RAPGEF2: variants seen among roughly 807,000 people sequenced by gnomAD.
The protein encoded by RAPGEF2 is PDZ domain containing guanine nucleotide exchange factor (GEF) 1.
Under a neutral mutation model 186.7 loss-of-function variants are expected in RAPGEF2, and 54 were observed. That is an observed-to-expected ratio of 0.29 (90% CI 0.23 to 0.36). The LOEUF (loss-of-function observed/expected upper bound fraction) is 0.36, where lower values mean the gene tolerates loss of function less well. Among genes scored for constraint, RAPGEF2 ranks in the 10% least tolerant of loss-of-function variants. RAPGEF2 has a pLI of 1.00. For missense variants in RAPGEF2, 1,532 were observed against 2,045.0 expected, an observed-to-expected ratio of 0.75 and a Z score of 4.84; for synonymous variants, 712 against 705.9, an observed-to-expected ratio of 1.01 and a Z score of -0.14.
At chr4:159,188,879 C>G (rs1418836902) in intron 2 of RAPGEF2, among the ~76,000 whole-genome samples, 1 of 152,152 alleles carries the variant, frequency 6.6e-6, no homozygotes, top group Non-Finnish European at 1.5e-5. Context: ...CATGAACCTA[C>G]AGGGCGGAGC....
intron 7 of RAPGEF2, among the ~76,000 whole-genome samples, chr4:159,281,681 A>G (rs1289461634): frequency 2.1e-5 from 3 of 142,068 alleles, no homozygotes; most frequent in African/African-American, 5.7e-5. Flanking sequence ...CAAAAAAAAA[A>G]AAAAAAAAAG....
intron 28 of RAPGEF2, 23 bp downstream of exon 28, chr4:159,354,069 T>G: frequency 6.5e-7 from 1 of 1,532,262 alleles, no homozygotes; most frequent in Non-Finnish European, 8.8e-7. Flanking sequence ...ATTGGGGGAC[T>G]TTGTCATGTC....
At chr4:159,346,094 C>T (rs1345713454) in intron 24 of RAPGEF2, among the ~76,000 whole-genome samples, 1 of 152,188 alleles carries the variant, frequency 6.6e-6, no homozygotes, top group Non-Finnish European at 1.5e-5. Context: ...TTTGTCTCCT[C>T]TTACTAGCTG....
At chr4:159,114,594 G>A (rs1283507184) in intron 1 of RAPGEF2, among the ~76,000 whole-genome samples, 1 of 152,156 alleles carries the variant, frequency 6.6e-6, no homozygotes, top group Non-Finnish European at 1.5e-5. Flanking sequence ...ATATTCCCAA[G>A]ATGGAGTGTA....
intron 7 of RAPGEF2, among the ~76,000 whole-genome samples, chr4:159,254,037 A>G (rs574288470): frequency 3.3e-5 from 5 of 152,240 alleles, no homozygotes; most frequent in Admixed American, 6.5e-5. Flanking sequence ...ACCATTGTAC[A>G]TTGTAACAAA....
chr4:159,161,779 T>C (rs989141805), intron 1 of RAPGEF2, among the ~76,000 whole-genome samples: 23 of 152,216 alleles, frequency 1.5e-4, no homozygotes, highest in African/African-American at 5.1e-4. Flanking sequence ...CCAAACATAA[T>C]TGCTTATCTT....
intron 1 of RAPGEF2, among the ~76,000 whole-genome samples, chr4:159,178,551 CTTTTTTTTTTT>C (rs71589215): frequency 1.2e-4 from 9 of 75,488 alleles, no homozygotes; most frequent in South Asian, 5.1e-4. Context: ...ATGTATTATG[CTTTTTTTTTTT>C]TTTTTTTTTT....
In RAPGEF2 at chr4:159,254,774, A is replaced by T. The variant is rs367546198; in HGVS notation, c.543+10983A>T. Among the ~76,000 whole-genome samples, 10 of 152,060 alleles carry T rather than the reference A, an allele frequency of 6.6e-5. No individual in the cohort carries two copies. In the East Asian group the frequency reaches 1.9e-3, roughly 29 times the overall value. Reference sequence around the variant, plus strand: ...CAGGCGTGTGCCACCACGCCTGGCTAATTTTTAGTAGAAACAGGGTTTGAC... The same window carrying T: ...CAGGCGTGTGCCACCACGCCTGGCTTATTTTTAGTAGAAACAGGGTTTGAC... On this transcript the variant is annotated intron_variant, in intron 7 of 29. Coordinates refer to ENST00000691494, the MANE Select transcript of RAPGEF2 (RefSeq NM_001394067.2).
At chr4:159,302,830 G>A (rs1762836825) in intron 7 of RAPGEF2, among the ~76,000 whole-genome samples, 1 of 150,958 alleles carries the variant, frequency 6.6e-6, no homozygotes. Flanking sequence ...TAGGGTACAT[G>A]TGCACATTAT....
intron 1 of RAPGEF2, among the ~76,000 whole-genome samples, chr4:159,178,504 T>TG (rs1746672334): frequency 6.6e-6 from 1 of 151,360 alleles, no homozygotes; most frequent in South Asian, 2.1e-4. Context: ...GAGCCCAGGA[T>TG]GTGGGGTACT....
At chr4:159,144,877 C>CTTTT (rs1305914652) in intron 1 of RAPGEF2, among the ~76,000 whole-genome samples, 86 of 77,556 alleles carry the variant, frequency 1.1e-3, no homozygotes, top group Admixed American at 2.7e-3. Flanking sequence ...TTCTTTCTTC[C>CTTTT]TGTTTTTTTT....
At chr4:159,344,931 T>A (rs1730073087) in intron 23 of RAPGEF2, among the ~76,000 whole-genome samples, 175 bp from the exon 24 acceptor site, 1 of 152,216 alleles carries the variant, frequency 6.6e-6, no homozygotes, top group Admixed American at 6.5e-5. Context: ...ATGTGTAATT[T>A]TCTTTAAATT....
At chr4:159,169,901 A>G (rs865943594) in intron 1 of RAPGEF2, among the ~76,000 whole-genome samples, 4 of 152,172 alleles carry the variant, frequency 2.6e-5, no homozygotes, top group African/African-American at 4.8e-5. Flanking sequence ...TCTCTTCAAC[A>G]TAGTGATTTC....
At chr4:159,201,899 G>A (rs562342732) in intron 3 of RAPGEF2, among the ~76,000 whole-genome samples, 2 of 152,240 alleles carry the variant, frequency 1.3e-5, no homozygotes, top group Admixed American at 6.5e-5. Context: ...TTGTTTTATA[G>A]GCATGTGATC....
chr4:159,178,954 G>A (rs1360683708), intron 1 of RAPGEF2, among the ~76,000 whole-genome samples: 5 of 152,096 alleles, frequency 3.3e-5, no homozygotes, highest in African/African-American at 7.2e-5. Context: ...ATGCTTTTGG[G>A]TTTTGAATCT....
chr4:159,322,293 A>G (rs1765332905), intron 9 of RAPGEF2, 54 bp from the exon 10 acceptor site: 1 of 1,542,184 alleles, frequency 6.5e-7, no homozygotes. Flanking sequence ...CTTTTTGAAT[A>G]CTTGTTTTTA....
intron 1 of RAPGEF2, among the ~76,000 whole-genome samples, chr4:159,135,879 G>C (rs528400540): frequency 6.6e-6 from 1 of 152,208 alleles, no homozygotes; most frequent in Non-Finnish European, 1.5e-5. Context: ...GATTACAGGC[G>C]TGAGCCACTG....
At chr4:159,251,128 C>T (rs370819906) in intron 7 of RAPGEF2, among the ~76,000 whole-genome samples, 7 of 152,210 alleles carry the variant, frequency 4.6e-5, no homozygotes, top group African/African-American at 7.2e-5. Flanking sequence ...CCTGCCTGCC[C>T]GCCCTGCACT....
chr4:159,228,635 A>G (rs1752288932), intron 4 of RAPGEF2, among the ~76,000 whole-genome samples: 1 of 152,148 alleles, frequency 6.6e-6, no homozygotes, highest in Non-Finnish European at 1.5e-5. Context: ...ATTTAGAGAT[A>G]TATAGTGTGT....
Sources: allele counts gnomAD v4.1 joint callset (sites outside exome capture counted in the v4.1 genomes callset), GRCh38; gene constraint gnomAD v4.1.1; transcripts MANE v1.5; gene names NCBI Gene and HGNC (gene_info 2026-07-23, HGNC 2026-07-21).